The following CCBE1 variants were observed in gnomAD, a reference collection of about 807,000 sequenced individuals.
CCBE1 encodes the protein collagen and calcium-binding EGF domain-containing protein 1.
Under a neutral mutation model 50.0 loss-of-function variants are expected in CCBE1, and 37 were observed. The observed-to-expected ratio is 0.74, with a 90% confidence interval of 0.57 to 0.97. CCBE1 has a LOEUF of 0.97. Among genes scored for constraint, CCBE1 ranks in the 50% least tolerant of loss-of-function variants. CCBE1 has a pLI of 0.00. For synonymous variants in CCBE1, 234 were observed against 203.7 expected, an observed-to-expected ratio of 1.15 and a Z score of -1.27; for missense variants, 538 against 523.8, an observed-to-expected ratio of 1.03 and a Z score of -0.26.
rs1263086541 is a variant in CCBE1 at position 59,433,266 on chromosome 18, CTTA to C, written c.*2639_*2641del. Reference sequence around the variant, plus strand: ...GGGGAAAGTGCCACATTTAATAAAACTTATTTTTTTTTTTTTAGGGATGGGGTC... The same window carrying C: ...GGGGAAAGTGCCACATTTAATAAAACTTTTTTTTTTTTTAGGGATGGGGTC... On this transcript the variant is annotated 3_prime_UTR_variant, in exon 11 of 11. Coordinates refer to ENST00000439986, the MANE Select transcript of CCBE1 (RefSeq NM_133459.4). The C allele has an allele frequency of 1.4e-5, 1 of 71,180 alleles. No individual in the cohort carries two copies. The highest frequency in any genetic ancestry group is 2.8e-5 in the Non-Finnish European group (1 of 35,648). 4.4% of individuals were successfully genotyped at this position (71,180 alleles called of 1,614,324 possible). A position where few individuals can be genotyped will look rare whatever the true frequency, so the allele number is the denominator to read the frequency against.
chr18:59,442,160 C>G (rs1050049879), intron 7 of CCBE1, among the ~76,000 whole-genome samples: 14 of 152,268 alleles, frequency 9.2e-5, no homozygotes, highest in African/African-American at 3.4e-4. Context: ...CCCGTCGTAC[C>G]AACAACTATC....
intron 2 of CCBE1, among the ~76,000 whole-genome samples, chr18:59,679,648 A>T (rs1018786851): frequency 8.1e-5 from 11 of 135,036 alleles, no homozygotes; most frequent in African/African-American, 3.3e-4. Flanking sequence ...GAATCTTTTA[A>T]TGATGATAAT....
chr18:59,695,374 C>A (rs1181649532), intron 2 of CCBE1, among the ~76,000 whole-genome samples: 1 of 152,148 alleles, frequency 6.6e-6, no homozygotes, highest in African/African-American at 2.4e-5. Flanking sequence ...TCTTAACCTG[C>A]CAATTGAACA....
intron 2 of CCBE1, among the ~76,000 whole-genome samples, chr18:59,631,584 C>A (rs1480171775): frequency 1.3e-5 from 2 of 152,192 alleles, no homozygotes; most frequent in Non-Finnish European, 2.9e-5. Flanking sequence ...CCCAGATCAG[C>A]TACCTGCAAA....
At chr18:59,522,711 C>T (rs12458073) in intron 2 of CCBE1, among the ~76,000 whole-genome samples, 8,941 of 152,122 alleles carry the variant, frequency 0.059, 841 homozygotes, top group East Asian at 0.37. Flanking sequence ...TTTTCTTGGC[C>T]GGGCGCAGTG....
intron 2 of CCBE1, among the ~76,000 whole-genome samples, chr18:59,597,342 C>A (rs546515001): frequency 6.6e-6 from 1 of 152,176 alleles, no homozygotes; most frequent in Admixed American, 6.5e-5. Flanking sequence ...CAACGTAATG[C>A]GGAGTCAGGA....
intron 2 of CCBE1, among the ~76,000 whole-genome samples, chr18:59,647,998 T>C (rs1382068255): frequency 6.6e-6 from 1 of 152,170 alleles, no homozygotes; most frequent in African/African-American, 2.4e-5. Context: ...AGCTACCATA[T>C]GTGAACAAAT....
At chr18:59,522,422 T>C (rs534953493) in intron 2 of CCBE1, among the ~76,000 whole-genome samples, 84 of 152,296 alleles carry the variant, frequency 5.5e-4, no homozygotes, top group African/African-American at 1.8e-3. Context: ...ACATTAAACA[T>C]TGAAATAAAT....
chr18:59,529,772 A>C (rs1914976303), intron 2 of CCBE1, among the ~76,000 whole-genome samples: 1 of 150,900 alleles, frequency 6.6e-6, no homozygotes, highest in Non-Finnish European at 1.5e-5. Flanking sequence ...GGAGCCTCCA[A>C]CTGCAGCTGT....
At chr18:59,451,433 T>TAAAAAA (rs34421089) in intron 6 of CCBE1, among the ~76,000 whole-genome samples, 1 of 99,360 alleles carries the variant, frequency 1.0e-5, no homozygotes, top group African/African-American at 4.1e-5. Flanking sequence ...ACAAGCAACT[T>TAAAAAA]AAAAAAAAAA....
At chr18:59,665,294 C>T (rs2054338496) in intron 2 of CCBE1, among the ~76,000 whole-genome samples, 1 of 152,080 alleles carries the variant, frequency 6.6e-6, no homozygotes, top group Admixed American at 6.6e-5. Flanking sequence ...CCTGATTTTA[C>T]TGGTTATGGT....
intron 2 of CCBE1, among the ~76,000 whole-genome samples, chr18:59,613,863 G>GTTTTTTTTT (rs34847608): frequency 1.8e-4 from 18 of 98,444 alleles, no homozygotes; most frequent in African/African-American, 5.6e-4. Flanking sequence ...TCTCTGATGG[G>GTTTTTTTTT]TTTTTTTTTT....
chr18:59,479,549 T>A (rs192952914), intron 3 of CCBE1, among the ~76,000 whole-genome samples: 56 of 152,326 alleles, frequency 3.7e-4, no homozygotes, highest in African/African-American at 1.3e-3. Flanking sequence ...CTTAAAACCA[T>A]AATTTAACCC....
At chr18:59,690,115 T>C in intron 2 of CCBE1, among the ~76,000 whole-genome samples, 1 of 152,218 alleles carries the variant, frequency 6.6e-6, no homozygotes, top group East Asian at 1.9e-4. Context: ...GGATTTTTGT[T>C]GTTGTTGGGG....
chr18:59,611,790 A>G (rs11660417), intron 2 of CCBE1, among the ~76,000 whole-genome samples: 55,108 of 152,068 alleles, frequency 0.36, 10,322 homozygotes, highest in East Asian at 0.61. Context: ...TATACCAAAT[A>G]CAGGAAAAGA....
At chr18:59,609,443 T>C (rs1225920142) in intron 2 of CCBE1, among the ~76,000 whole-genome samples, 3 of 152,196 alleles carry the variant, frequency 2.0e-5, no homozygotes, top group South Asian at 2.1e-4. Flanking sequence ...GTTTTCGACA[T>C]GCTACAGAAC....
chr18:59,671,204 A>T (rs1313845652), intron 2 of CCBE1, among the ~76,000 whole-genome samples: 7 of 151,978 alleles, frequency 4.6e-5, no homozygotes, highest in Non-Finnish European at 8.8e-5. Flanking sequence ...TACAATAAGA[A>T]GTGACCAGTG....
chr18:59,577,767 G>C (rs1334314579), intron 2 of CCBE1, among the ~76,000 whole-genome samples: 1 of 152,136 alleles, frequency 6.6e-6, no homozygotes, highest in Non-Finnish European at 1.5e-5. Context: ...TGACCAAAGT[G>C]AATTAGTCAC....
chr18:59,511,918 A>G (rs2144298274), intron 2 of CCBE1, among the ~76,000 whole-genome samples: 1 of 152,350 alleles, frequency 6.6e-6, no homozygotes, highest in Admixed American at 6.5e-5. Flanking sequence ...CAGGCATTTC[A>G]TGAGACGGAG....
Sources: gnomAD v4.1 joint callset for allele counts (sites outside exome capture counted in the v4.1 genomes callset) on GRCh38, gnomAD v4.1.1 for gene constraint, MANE v1.5 for transcripts, NCBI Gene and HGNC (gene_info 2026-07-23, HGNC 2026-07-21) for gene names.